The following EEIG1 variants were observed in gnomAD, a reference collection of about 807,000 sequenced individuals.
EEIG1 encodes the protein estrogen-induced osteoclastogenesis regulator 1.
chr9:127,955,600 C>T, the EEIG1 span, among the ~76,000 whole-genome samples: 5 of 152,324 alleles, frequency 3.3e-5, no homozygotes, highest in Admixed American at 2.0e-4. Flanking sequence ...TCATTGTCAC[C>T]AGGAGAGGGC....
the EEIG1 span, among the ~76,000 whole-genome samples, chr9:127,958,090 A>G: frequency 2.0e-5 from 3 of 152,378 alleles, no homozygotes; most frequent in East Asian, 3.9e-4. Flanking sequence ...TGGGAAAAAG[A>G]ATAGTCTTTT....
At chr9:127,970,207 G>A in the EEIG1 span, among the ~76,000 whole-genome samples, 9 of 152,022 alleles carry the variant, frequency 5.9e-5, no homozygotes, top group Non-Finnish European at 8.8e-5. Context: ...TCTGCCTCCC[G>A]AGTTCAAGTG....
the EEIG1 span, among the ~76,000 whole-genome samples, chr9:127,979,260 T>A: frequency 6.6e-6 from 1 of 152,088 alleles, no homozygotes; most frequent in Non-Finnish European, 1.5e-5. Context: ...TCTGTAGAAG[T>A]CCAAGGCTCT....
At chr9:127,956,266 A>G in the EEIG1 span, among the ~76,000 whole-genome samples, 1 of 152,222 alleles carries the variant, frequency 6.6e-6, no homozygotes. Context: ...ACCAGCTTAC[A>G]TTCTGGTGGG....
At chr9:127,975,997 A>G in the EEIG1 span, among the ~76,000 whole-genome samples, 1 of 152,214 alleles carries the variant, frequency 6.6e-6, no homozygotes, top group African/African-American at 2.4e-5. Context: ...CCAAATCCAC[A>G]GCAGTGACTT....
At chr9:127,953,067 T>G in the EEIG1 span, among the ~76,000 whole-genome samples, 1 of 152,032 alleles carries the variant, frequency 6.6e-6, no homozygotes, top group African/African-American at 2.4e-5. Flanking sequence ...GAGGAGAAGG[T>G]TGCAGTGAGC....
chr9:127,945,911 T>C, the EEIG1 span, among the ~76,000 whole-genome samples: 5 of 152,206 alleles, frequency 3.3e-5, no homozygotes, highest in Admixed American at 6.5e-5. The surrounding 1 kb of genome is among the most constrained non-coding windows in gnomAD (Gnocchi z 6.5). Context: ...GCCTGAGCCA[T>C]AGGTCACCCT....
the EEIG1 span, among the ~76,000 whole-genome samples, chr9:127,978,499 C>T: frequency 3.3e-5 from 5 of 151,844 alleles, no homozygotes; most frequent in Admixed American, 3.3e-4. Context: ...CTCGGCCAGG[C>T]CCTGCCCGCA....
At chr9:127,957,842 A>T in the EEIG1 span, among the ~76,000 whole-genome samples, 114 of 152,330 alleles carry the variant, frequency 7.5e-4, 2 homozygotes, top group East Asian at 0.017. Flanking sequence ...GCAAAACCCC[A>T]TCTCTACTAA....
chr9:127,970,607 G>A, the EEIG1 span, among the ~76,000 whole-genome samples: 1 of 152,100 alleles, frequency 6.6e-6, no homozygotes, highest in Non-Finnish European at 1.5e-5. Context: ...CTGCCCTTCT[G>A]CAACCTGCAG....
At chr9:127,942,835 A>G in the EEIG1 span, 1 of 332,752 alleles carries the variant, frequency 3.0e-6, no homozygotes, top group Non-Finnish European at 5.8e-6. Flanking sequence ...CTCTACATTT[A>G]GGAGCCGCTG....
At chr9:127,940,739 G>A in the EEIG1 span, 1 of 151,928 alleles carries the variant, frequency 6.6e-6, no homozygotes, top group African/African-American at 2.4e-5. Flanking sequence ...TTAGAAAGGA[G>A]GGGAGTCAAA....
the EEIG1 span, chr9:127,950,476 G>A: frequency 6.2e-7 from 1 of 1,614,058 alleles, no homozygotes; most frequent in Non-Finnish European, 8.5e-7. Flanking sequence ...CCCTCGAGCA[G>A]GCAGCAGCGC....
chr9:127,971,021 G>C, the EEIG1 span, among the ~76,000 whole-genome samples: 4 of 152,214 alleles, frequency 2.6e-5, no homozygotes. Context: ...ATTTGTCTGG[G>C]GGGAGCCTAG....
the EEIG1 span, among the ~76,000 whole-genome samples, chr9:127,963,001 G>A: frequency 6.6e-6 from 1 of 152,232 alleles, no homozygotes; most frequent in Non-Finnish European, 1.5e-5. Flanking sequence ...GAAGGAGATT[G>A]TTTTAACCCA....
At chr9:127,949,721 G>T in the EEIG1 span, among the ~76,000 whole-genome samples, 1 of 152,230 alleles carries the variant, frequency 6.6e-6, no homozygotes, top group African/African-American at 2.4e-5. Flanking sequence ...CTCTCCCTGG[G>T]TCCCCTTGCA....
At chr9:127,974,843 C>T in the EEIG1 span, among the ~76,000 whole-genome samples, 78 of 152,340 alleles carry the variant, frequency 5.1e-4, no homozygotes, top group African/African-American at 1.4e-3. Context: ...AACAGGCACA[C>T]GTGCCCACCA....
chr9:127,958,835 G>T, the EEIG1 span, among the ~76,000 whole-genome samples: 1 of 152,012 alleles, frequency 6.6e-6, no homozygotes, highest in Non-Finnish European at 1.5e-5. Flanking sequence ...TCAATAAAAA[G>T]ACAAAAATCC....
chr9:127,967,804 G>A, the EEIG1 span, among the ~76,000 whole-genome samples: 1 of 149,584 alleles, frequency 6.7e-6, no homozygotes, highest in East Asian at 1.9e-4. Flanking sequence ...TACAGGACCT[G>A]GCACAGTGGA....
Sources: gnomAD v4.1 joint callset for allele counts (sites outside exome capture counted in the v4.1 genomes callset) on GRCh38, gnomAD v4.1.1 for gene constraint, Gnocchi (gnomAD v3.1) non-coding constraint, MANE v1.5 for transcripts, NCBI Gene and HGNC (gene_info 2026-07-23, HGNC 2026-07-21) for gene names.